The following EML1 variants were observed in gnomAD, a reference collection of about 807,000 sequenced individuals.
The protein encoded by EML1 is EMAP like 1.
In EML1, 27 loss-of-function variants were observed where a neutral mutation model predicts 110.4. That is an observed-to-expected ratio of 0.24 (90% CI 0.18 to 0.34). The LOEUF is 0.34. Among genes scored for constraint, EML1 ranks in the 10% least tolerant of loss-of-function variants. The pLI is 1.00. For synonymous variants in EML1, 344 were observed against 385.8 expected (o/e 0.89, Z 1.27); for missense variants, 741 against 1,030.9 (o/e 0.72, Z 3.85).
intron 3 of EML1, 26 bp from the exon 4 acceptor site, chr14:99,878,459 C>A (rs2139935499): frequency 6.3e-7 from 1 of 1,593,404 alleles, no homozygotes; most frequent in East Asian, 2.2e-5. Flanking sequence ...TTAAGGAGTT[C>A]ACTGTCACTT....
chr14:99,891,376 G>A, intron 5 of EML1, 149 bp downstream of exon 5: 2 of 968,404 alleles, frequency 2.1e-6, no homozygotes, highest in Non-Finnish European at 3.1e-6. Context: ...TGTACCTGGA[G>A]GTTGAATGGC....
At position 99,741,267 on chromosome 14, in the gene EML1, C is replaced by T. The variant is rs561014160; in HGVS notation, c.28+3407C>T. ...CTGTCTCTCCTCCTGTGTAACCTTC[C>T]GCCAGTCCCACTGCCCTGCTCTGGG... On this transcript the variant is annotated intron_variant, in intron 1 of 10. Transcript: ENST00000554479. Among the ~76,000 whole-genome samples the T allele has an allele frequency of 6.6e-5, 10 of 152,306 alleles. No individual in the cohort carries two copies. In the East Asian group the frequency reaches 1.2e-3, roughly 18 times the overall value.
Position 99,856,559 on chromosome 14 carries a change from A to G in EML1, c.250+5524A>G, listed in dbSNP as rs1424617674. 3.3e-5 allele frequency among the ~76,000 whole-genome samples: 5 copies of G among 152,206 alleles called. No homozygotes were observed. In the East Asian group the frequency reaches 9.6e-4, roughly 29 times the overall value. Reference sequence around the variant, plus strand: ...GTGGCTTTTGCTTTTTCTCTTGTCTACTGCACCTTCTCCTTACAAATTGGC... The same window carrying G: ...GTGGCTTTTGCTTTTTCTCTTGTCTGCTGCACCTTCTCCTTACAAATTGGC... On this transcript the variant is annotated intron_variant, in intron 2 of 21. Coordinates refer to ENST00000262233, the MANE Select transcript of EML1 (RefSeq NM_004434.3).
intron 1 of EML1, among the ~76,000 whole-genome samples, chr14:99,817,695 A>G (rs911484728): frequency 6.6e-6 from 1 of 152,148 alleles, no homozygotes; most frequent in African/African-American, 2.4e-5. Context: ...ACATTCCTTG[A>G]GGGCCGACTC....
upstream of EML1, among the ~76,000 whole-genome samples, chr14:99,768,802 C>T (rs1222447240): frequency 1.3e-5 from 2 of 151,478 alleles, no homozygotes; most frequent in African/African-American, 4.9e-5. Context: ...ACTGCAACCT[C>T]TGCCTCCCAG....
intron 16 of EML1, among the ~76,000 whole-genome samples, chr14:99,919,208 G>A (rs930853589): frequency 6.6e-6 from 1 of 152,094 alleles, no homozygotes; most frequent in Non-Finnish European, 1.5e-5. Context: ...TACATTTACT[G>A]TGGTTTCAGT....
At chr14:99,917,647 C>A in intron 15 of EML1, 135 bp from the exon 16 acceptor site, 1 of 799,314 alleles carries the variant, frequency 1.3e-6, no homozygotes, top group Non-Finnish European at 1.9e-6. Context: ...AGAAAAGAGA[C>A]TTTTCAAATA....
intron 1 of EML1, among the ~76,000 whole-genome samples, chr14:99,787,651 C>T (rs1392976327): frequency 6.6e-6 from 1 of 152,098 alleles, no homozygotes; most frequent in African/African-American, 2.4e-5. Context: ...AACTGGAGGC[C>T]TGAAACAACA....
At chr14:99,833,225 A>G (rs187587442) in intron 1 of EML1, among the ~76,000 whole-genome samples, 1 of 152,314 alleles carries the variant, frequency 6.6e-6, no homozygotes, top group African/African-American at 2.4e-5. Context: ...GTGTGTGGGT[A>G]TGGATATGCA....
In EML1 at chr14:99,940,307, T is replaced by C. The variant is rs1317488898; in HGVS notation, c.*195T>C. On this transcript the variant is annotated 3_prime_UTR_variant, in exon 22 of 22. Transcript: ENST00000262233. ...AGCGGTTCCGTGTTCACTTTTGTTGTACAATATATGACACAGTGCACATTG... is the reference window on the plus strand; with the variant it reads ...AGCGGTTCCGTGTTCACTTTTGTTGCACAATATATGACACAGTGCACATTG... 1 of 650,832 alleles carries C rather than the reference T, an allele frequency of 1.5e-6. No individual in the cohort carries two copies. The highest frequency in any genetic ancestry group is 1.9e-5 in the African/African-American group (1 of 53,618). The allele number at this position is 650,832 out of a possible 1,614,324, so 40.3% of individuals were successfully genotyped here.
intron 1 of EML1, among the ~76,000 whole-genome samples, chr14:99,778,173 C>T (rs530431259): frequency 6.6e-6 from 1 of 152,194 alleles, no homozygotes; most frequent in African/African-American, 2.4e-5. Context: ...ACTCACATTG[C>T]TTACTCCATA....
intron 1 of EML1, among the ~76,000 whole-genome samples, chr14:99,840,389 C>T (rs1188173993): frequency 2.6e-5 from 4 of 152,232 alleles, no homozygotes; most frequent in East Asian, 1.9e-4. Context: ...AGCTCACCCT[C>T]GGCTGGCCAC....
chr14:99,881,793 G>T (rs2059388916), intron 4 of EML1, among the ~76,000 whole-genome samples: 1 of 151,992 alleles, frequency 6.6e-6, no homozygotes, highest in Non-Finnish European at 1.5e-5. Flanking sequence ...TAGAGACGGG[G>T]TTTCACCACA....
rs1386705330 is a variant in EML1, at chr14:99,936,587, G to A, written c.2095+253G>A. On this transcript the variant is annotated intron_variant, in intron 19 of 21. Coordinates refer to ENST00000262233, the MANE Select transcript of EML1 (RefSeq NM_004434.3). The surrounding 1 kb of genome is among the most constrained non-coding windows in gnomAD (Gnocchi z 5.5). ...CCTGCCCCAAGGGGAAGAAGGCCAA[G>A]CCCTGCAGAGGGGGGCTTGGGGCAG... Among the ~76,000 whole-genome samples, 1 of 152,198 alleles carries A rather than the reference G, an allele frequency of 6.6e-6. No homozygotes were observed. The highest frequency in any genetic ancestry group is 1.5e-5 in the Non-Finnish European group (1 of 68,022).
At chr14:99,863,437 A>G (rs1037089252) in intron 2 of EML1, among the ~76,000 whole-genome samples, 10 of 152,178 alleles carry the variant, frequency 6.6e-5, no homozygotes, top group Non-Finnish European at 1.5e-4. Flanking sequence ...ACAAGGCATC[A>G]TGTCACATAT....
rs559514111 is a variant in EML1 at position 99,937,228 on chromosome 14, G to A, written c.2096-589G>A. On this transcript the variant is annotated intron_variant, in intron 19 of 21. Coordinates refer to ENST00000262233, the MANE Select transcript of EML1 (RefSeq NM_004434.3). ...CTGAGCTCGCTCCAGTGCGGAGGGC[G>A]GCCGCACCGTCTCACCTCCTCCCTG... Among the ~76,000 whole-genome samples, 7 of 152,260 alleles carry A rather than the reference G, an allele frequency of 4.6e-5. 1 individual carries two copies. Among genetic ancestry groups the A allele is most frequent in the Admixed American group, 1.3e-4 (2 of 15,298 alleles).
At chr14:99,922,033 G>C (rs911169881) in intron 17 of EML1, among the ~76,000 whole-genome samples, 7 of 152,156 alleles carry the variant, frequency 4.6e-5, no homozygotes, top group East Asian at 1.9e-4. Flanking sequence ...CATTCACGTA[G>C]AATGATGTTT....
chr14:99,864,561 C>T (rs1443368435), intron 2 of EML1, among the ~76,000 whole-genome samples: 1 of 152,078 alleles, frequency 6.6e-6, no homozygotes, highest in African/African-American at 2.4e-5. Context: ...CACCTGTAAT[C>T]CCAACACTGG....
intron 1 of EML1, among the ~76,000 whole-genome samples, chr14:99,825,990 T>C (rs1202508029): frequency 5.9e-5 from 9 of 152,174 alleles, no homozygotes; most frequent in African/African-American, 1.9e-4. Context: ...AAGAAAACTT[T>C]GGTGGGCCGT....
Sources: allele counts gnomAD v4.1 joint callset (sites outside exome capture counted in the v4.1 genomes callset), GRCh38; gene constraint gnomAD v4.1.1; non-coding constraint Gnocchi (gnomAD v3.1); transcripts MANE v1.5; gene names NCBI Gene and HGNC (gene_info 2026-07-23, HGNC 2026-07-21).